The following LINGO2 variants were observed in gnomAD, a reference collection of about 807,000 sequenced individuals.
The protein encoded by LINGO2 is leucine-rich repeat and immunoglobulin-like domain-containing nogo receptor-interacting protein 2.
In LINGO2, 14 loss-of-function variants were observed where a neutral mutation model predicts 30.6. That is an observed-to-expected ratio of 0.46 (90% CI 0.30 to 0.72). The LOEUF (loss-of-function observed/expected upper bound fraction) is 0.72, where lower values mean the gene tolerates loss of function less well. Ranked by LOEUF, LINGO2 falls within the 30% of genes least tolerant of loss-of-function variation. The pLI, the probability that LINGO2 is intolerant of heterozygous loss-of-function variation, is 0.07. For synonymous variants in LINGO2, 317 were observed against 288.5 expected (o/e 1.10, Z -1.00); for missense variants, 729 against 751.7 (o/e 0.97, Z 0.35).
the LINGO2 span, among the ~76,000 whole-genome samples, chr9:29,099,470 T>A: frequency 6.6e-6 from 1 of 152,122 alleles, no homozygotes; most frequent in Admixed American, 6.5e-5. Flanking sequence ...AGAAAATATC[T>A]GTATACTACC....
the LINGO2 span, among the ~76,000 whole-genome samples, chr9:29,144,639 C>G: frequency 6.6e-6 from 1 of 152,112 alleles, no homozygotes; most frequent in Admixed American, 6.6e-5. Flanking sequence ...TTCATCACCA[C>G]TACTGTGGGT....
chr9:29,094,877 G>T, the LINGO2 span, among the ~76,000 whole-genome samples: 1 of 138,552 alleles, frequency 7.2e-6, no homozygotes, highest in Non-Finnish European at 1.6e-5. Flanking sequence ...CACTGTTCTA[G>T]ACCATTACAT....
intron 4 of LINGO2, among the ~76,000 whole-genome samples, chr9:28,086,713 C>A (rs143129950): frequency 6.6e-6 from 1 of 151,998 alleles, no homozygotes; most frequent in African/African-American, 2.4e-5. Flanking sequence ...AATCCCTGGA[C>A]GAGTGAGAGT....
chr9:28,667,059 A>T (rs1334649926), intron 1 of LINGO2, among the ~76,000 whole-genome samples: 2 of 152,298 alleles, frequency 1.3e-5, no homozygotes, highest in East Asian at 1.9e-4. Context: ...ATAGAATAAT[A>T]AAAAAGATGT....
the LINGO2 span, among the ~76,000 whole-genome samples, chr9:28,964,689 T>C: frequency 6.6e-6 from 1 of 151,900 alleles, no homozygotes; most frequent in African/African-American, 2.4e-5. Context: ...GATAGAGATA[T>C]TAGAGGCCTG....
At position 28,264,274 on chromosome 9, in the gene LINGO2, G is replaced by C. The variant is rs138452993; in HGVS notation, c.-87+30934C>G. On this transcript the variant is annotated intron_variant, in intron 4 of 5. Coordinates refer to ENST00000379992, the Ensembl canonical transcript of LINGO2. ...GCCAAATAGTGACAATGGTTTAAAT[G>C]GTAAAACCATAAATAACGTAGGTTC... Among the ~76,000 whole-genome samples, 467 of 151,844 alleles carry C rather than the reference G, an allele frequency of 3.1e-3. 1 individual carries two copies. Among genetic ancestry groups the C allele is most frequent in the Middle Eastern group, 0.02 (6 of 294 alleles).
intron 1 of LINGO2, among the ~76,000 whole-genome samples, chr9:28,624,584 G>A (rs1453436852): frequency 1.3e-5 from 2 of 151,456 alleles, no homozygotes; most frequent in African/African-American, 2.4e-5. Flanking sequence ...GTATTTTATC[G>A]AGGATTTTTT....
At chr9:28,302,036 T>A (rs1025028853) in intron 3 of LINGO2, among the ~76,000 whole-genome samples, 1 of 152,080 alleles carries the variant, frequency 6.6e-6, no homozygotes, top group African/African-American at 2.4e-5. Context: ...TAGAGGGAGT[T>A]CCTTACCACC....
chr9:28,744,628 G>GTGTGTGTC, the LINGO2 span, among the ~76,000 whole-genome samples: 1 of 144,558 alleles, frequency 6.9e-6, no homozygotes, highest in Non-Finnish European at 1.5e-5. Context: ...GTGTGTGTGT[G>GTGTGTGTC]TGTGTGTGTG....
Position 28,618,638 on chromosome 9 carries a change from A to G in LINGO2, c.-365+51562T>C, listed in dbSNP as rs192209370. 4.7e-4 allele frequency among the ~76,000 whole-genome samples: 72 copies of G among 152,278 alleles called. 1 individual carries two copies. The East Asian group carries it at 0.013, about 27-fold the overall frequency. On this transcript the variant is annotated intron_variant, in intron 1 of 5. Coordinates refer to ENST00000379992, the Ensembl canonical transcript of LINGO2. ...TATATATTCAGTTTCTTTCTATAACATTCTCCTTCTTACCCATTATGATCT... is the reference window on the plus strand; with the variant it reads ...TATATATTCAGTTTCTTTCTATAACGTTCTCCTTCTTACCCATTATGATCT...
chr9:28,989,975 G>T, the LINGO2 span, among the ~76,000 whole-genome samples: 2 of 152,174 alleles, frequency 1.3e-5, no homozygotes, highest in Admixed American at 1.3e-4. Context: ...CGCAGAAGAC[G>T]GCTGATTTCT....
the LINGO2 span, among the ~76,000 whole-genome samples, chr9:28,786,539 C>T: frequency 6.6e-6 from 1 of 152,062 alleles, no homozygotes; most frequent in Non-Finnish European, 1.5e-5. Context: ...GCATCATTTG[C>T]CTAGGGTGTA....
chr9:29,066,702 A>G, the LINGO2 span, among the ~76,000 whole-genome samples: 1 of 151,936 alleles, frequency 6.6e-6, no homozygotes, highest in Non-Finnish European at 1.5e-5. Context: ...GGGAAAACCA[A>G]CATTGTTTGT....
intron 5 of LINGO2, among the ~76,000 whole-genome samples, chr9:27,969,200 T>G (rs1820240938): frequency 6.6e-6 from 1 of 152,020 alleles, no homozygotes; most frequent in African/African-American, 2.4e-5. Flanking sequence ...TCCTGGAAAT[T>G]TAACTTTGTT....
At chr9:28,275,764 T>A (rs1305659476) in intron 4 of LINGO2, among the ~76,000 whole-genome samples, 1 of 152,184 alleles carries the variant, frequency 6.6e-6, no homozygotes, top group Non-Finnish European at 1.5e-5. Flanking sequence ...TTTCAAGAAG[T>A]TAGAGATCGA....
At chr9:28,065,766 C>T (rs1008474695) in intron 4 of LINGO2, among the ~76,000 whole-genome samples, 5 of 151,952 alleles carry the variant, frequency 3.3e-5, no homozygotes, top group African/African-American at 1.2e-4. Flanking sequence ...TACCATCTGT[C>T]TTTATCTACA....
chr9:28,359,417 T>C (rs960857139), intron 3 of LINGO2, among the ~76,000 whole-genome samples: 1 of 152,116 alleles, frequency 6.6e-6, no homozygotes. Context: ...AAAGAAAACA[T>C]TGGTCCCAGA....
chr9:28,802,755 G>A, the LINGO2 span, among the ~76,000 whole-genome samples: 1 of 152,052 alleles, frequency 6.6e-6, no homozygotes, highest in Non-Finnish European at 1.5e-5. Flanking sequence ...AGGCATATCT[G>A]TGTGGCAAAG....
chr9:27,995,071 T>C (rs1258323785), intron 5 of LINGO2, among the ~76,000 whole-genome samples: 1 of 152,122 alleles, frequency 6.6e-6, no homozygotes, highest in Non-Finnish European at 1.5e-5. Context: ...TTATAACTGA[T>C]ACCACAGAAA....
Sources: allele counts gnomAD v4.1 joint callset (sites outside exome capture counted in the v4.1 genomes callset), GRCh38; gene constraint gnomAD v4.1.1; transcripts MANE v1.5; gene names NCBI Gene and HGNC (gene_info 2026-07-23, HGNC 2026-07-21).